Variants in KAZN observed in about 807,000 individuals in gnomAD.
KAZN encodes kazrin.
A neutral mutation model predicts 87.4 loss-of-function variants in KAZN; 40 were observed. That is an observed-to-expected ratio of 0.46 (90% confidence interval 0.36 to 0.60). The LOEUF (loss-of-function observed/expected upper bound fraction) is 0.60, where lower values mean the gene tolerates loss of function less well. Ranked by LOEUF, KAZN falls within the 20% of genes least tolerant of loss-of-function variation. The probability of loss-of-function intolerance (pLI) is 0.00; values close to 1 mark genes in which losing one functional copy is unlikely to be tolerated. For missense variants in KAZN, 898 were observed against 1,073.9 expected (o/e 0.84, Z 2.29); for synonymous variants, 466 against 458.3 (o/e 1.02, Z -0.22).
At chr1:14,269,714 A>G (rs1651774141) in intron 2 of KAZN, among the ~76,000 whole-genome samples, 1 of 152,208 alleles carries the variant, frequency 6.6e-6, no homozygotes, top group Admixed American at 6.5e-5. Context: ...AAGGAAATGT[A>G]ACTCCAAGGT....
intron 2 of KAZN, among the ~76,000 whole-genome samples, chr1:14,275,926 T>A (rs1652308091): frequency 6.6e-6 from 1 of 152,220 alleles, no homozygotes. Flanking sequence ...TCTGAACTCC[T>A]ATTCAACCAT....
intron 1 of KAZN, among the ~76,000 whole-genome samples, chr1:14,685,427 C>T (rs757522637): frequency 2.3e-4 from 35 of 152,280 alleles, no homozygotes; most frequent in South Asian, 6.2e-4. Flanking sequence ...TGAAGAAATG[C>T]GGGCAGTGGT....
chr1:14,971,681 CTTTTTTT>C lies in KAZN; in HGVS notation c.418+10818_418+10824del, dbSNP rs1009399616. 9.9e-4 allele frequency among the ~76,000 whole-genome samples: 104 copies of C among 104,826 alleles called. 3 individuals are homozygous for C. The South Asian group carries it at 0.032, about 32-fold the overall frequency. The allele number at this position is 104,826 out of a possible 152,430, so 68.8% of individuals were successfully genotyped here. A position where few individuals can be genotyped will look rare whatever the true frequency, so the allele number is the denominator to read the frequency against. On this transcript the variant is annotated intron_variant, in intron 2 of 14. Coordinates refer to ENST00000376030, the MANE Select transcript of KAZN (RefSeq NM_201628.3). The stretch of plus-strand genomic sequence containing the variant: ...GAGTTGTTTTTTTTTTTTTCTTTTT[CTTTTTTT>C]TTTTTTTTTTTGAGACGGACTCTCG...
intron 2 of KAZN, among the ~76,000 whole-genome samples, chr1:14,310,524 C>T (rs1353667570): frequency 6.6e-6 from 1 of 152,170 alleles, no homozygotes; most frequent in African/African-American, 2.4e-5. Context: ...TTGCCTACCT[C>T]ACTGATTTTT....
chr1:14,238,837 C>T (rs755816228), intron 2 of KAZN, among the ~76,000 whole-genome samples: 1 of 152,194 alleles, frequency 6.6e-6, no homozygotes, highest in Non-Finnish European at 1.5e-5. Context: ...CAAACACCAC[C>T]ATTTCATTTA....
At chr1:14,452,711 G>C (rs1667342933) in intron 2 of KAZN, among the ~76,000 whole-genome samples, 1 of 152,186 alleles carries the variant, frequency 6.6e-6, no homozygotes, top group African/African-American at 2.4e-5. Flanking sequence ...CTATCCATGT[G>C]TGAAGACACT....
intron 2 of KAZN, among the ~76,000 whole-genome samples, chr1:14,479,081 C>T (rs911287178): frequency 8.5e-5 from 13 of 152,206 alleles, no homozygotes; most frequent in African/African-American, 2.7e-4. Flanking sequence ...GTTTATCCGC[C>T]GGCTTCTATC....
At chr1:14,477,497 C>G (rs1385856764) in intron 2 of KAZN, among the ~76,000 whole-genome samples, 1 of 150,784 alleles carries the variant, frequency 6.6e-6, no homozygotes, top group African/African-American at 2.4e-5. Flanking sequence ...CTTAAATGTG[C>G]TTTTCATCAG....
chr1:14,639,345 C>T (rs1437794376), intron 1 of KAZN, among the ~76,000 whole-genome samples: 1 of 152,224 alleles, frequency 6.6e-6, no homozygotes, highest in Non-Finnish European at 1.5e-5. Flanking sequence ...AATTGACCAG[C>T]TGTAAAAATG....
chr1:14,047,693 C>A (rs1642135454), intron 1 of KAZN, among the ~76,000 whole-genome samples: 1 of 152,022 alleles, frequency 6.6e-6, no homozygotes, highest in South Asian at 2.1e-4. Context: ...CATGGTGAAA[C>A]CCCGTCTCTA....
At chr1:15,054,519 G>T (rs964438346) in intron 4 of KAZN, among the ~76,000 whole-genome samples, 12 of 152,092 alleles carry the variant, frequency 7.9e-5, no homozygotes, top group Non-Finnish European at 1.8e-4. Context: ...GGGCATGGTG[G>T]CAGGCGCCTG....
At chr1:14,349,141 G>A (rs1302769703) in intron 2 of KAZN, 1 of 152,252 alleles carries the variant, frequency 6.6e-6, no homozygotes, top group Non-Finnish European at 1.5e-5. Flanking sequence ...ACAGTACACA[G>A]GATCAAAGGC....
chr1:15,110,549 T>G (rs61784328), intron 13 of KAZN, among the ~76,000 whole-genome samples: 60 of 148,070 alleles, frequency 4.1e-4, no homozygotes, highest in African/African-American at 1.1e-3. Context: ...GCATATGTGT[T>G]TGTGTGTGTG....
chr1:15,074,215 G>A (rs541378886), intron 8 of KAZN, among the ~76,000 whole-genome samples: 2 of 152,336 alleles, frequency 1.3e-5, no homozygotes, highest in African/African-American at 4.8e-5. Context: ...GCAAGGGAGA[G>A]GCTGCAGCCA....
chr1:13,914,741 G>T (rs940234426), intron 1 of KAZN, among the ~76,000 whole-genome samples: 4 of 152,222 alleles, frequency 2.6e-5, no homozygotes, highest in African/African-American at 4.8e-5. Flanking sequence ...ACTTTGGAAG[G>T]CCAAATTGGG....
chr1:14,233,464 G>A (rs1648064326), intron 2 of KAZN, among the ~76,000 whole-genome samples: 2 of 152,142 alleles, frequency 1.3e-5, no homozygotes, highest in African/African-American at 4.8e-5. Context: ...TGATTGCTTG[G>A]AAGATTGAAT....
chr1:14,101,037 G>A (rs1002876762), intron 1 of KAZN, among the ~76,000 whole-genome samples: 1 of 152,180 alleles, frequency 6.6e-6, no homozygotes, highest in Admixed American at 6.5e-5. Context: ...CAGCCACATG[G>A]AACTGTGAGT....
chr1:14,356,960 A>C (rs1393684977), intron 2 of KAZN, among the ~76,000 whole-genome samples: 1 of 152,094 alleles, frequency 6.6e-6, no homozygotes, highest in Non-Finnish European at 1.5e-5. Flanking sequence ...TAATTCTGTG[A>C]AGAAAGTCAA....
At chr1:14,073,181 T>C (rs1570671617) in intron 1 of KAZN, among the ~76,000 whole-genome samples, 1 of 152,242 alleles carries the variant, frequency 6.6e-6, no homozygotes, top group African/African-American at 2.4e-5. Flanking sequence ...AATATTTATA[T>C]TGCTTTCTGA....
Sources: allele counts gnomAD v4.1 joint callset (sites outside exome capture counted in the v4.1 genomes callset), GRCh38; gene constraint gnomAD v4.1.1; transcripts MANE v1.5; gene names NCBI Gene and HGNC (gene_info 2026-07-23, HGNC 2026-07-21).